KIAA0586: variants seen among roughly 807,000 people sequenced by gnomAD.
KIAA0586 encodes protein TALPID3.
In KIAA0586, 144 loss-of-function variants were observed where a neutral mutation model predicts 169.8. That is an observed-to-expected ratio of 0.85 (90% CI 0.74 to 0.97). The LOEUF (loss-of-function observed/expected upper bound fraction) is 0.97. KIAA0586 is among the 50% of genes least tolerant of loss of function. The pLI is 0.00. For synonymous variants in KIAA0586, 625 were observed against 612.4 expected (o/e 1.02, Z -0.30); for missense variants, 1,854 against 1,823.0 (o/e 1.02, Z -0.31).
intron 4 of KIAA0586, chr14:58,440,296 C>T (rs2038210854): frequency 7.9e-6 from 3 of 377,682 alleles, no homozygotes; most frequent in Admixed American, 6.1e-5. Flanking sequence ...CTTTCTCTCT[C>T]TCTCTCTCTT....
chr14:58,451,809 G>T (rs1037251176), intron 8 of KIAA0586, among the ~76,000 whole-genome samples: 3 of 151,944 alleles, frequency 2.0e-5, no homozygotes, highest in Non-Finnish European at 4.4e-5. Context: ...TCAGCCTCCC[G>T]AGTAGCTGGG....
rs1038807274 is a variant in KIAA0586, at chr14:58,429,262, G to A, written c.200-101G>A. ...CATGCAAATTGTCTTTCCAACTTCT[G>A]CGTTATATGGAGTTTATAGATCTTG... is the stretch of plus-strand genomic sequence containing the variant. On this transcript the variant is annotated intron_variant, in intron 1 of 30. Transcript: ENST00000652326. The A allele has an allele frequency of 4.3e-5, 28 of 654,988 alleles. No individual in the cohort carries two copies. The Admixed American group carries it at 5.6e-4, about 13-fold the overall frequency. 40.6% of individuals were successfully genotyped at this position (654,988 alleles called of 1,614,324 possible).
chr14:58,561,615 A>G, the KIAA0586 span, among the ~76,000 whole-genome samples: 1 of 152,198 alleles, frequency 6.6e-6, no homozygotes, highest in Admixed American at 6.5e-5. Context: ...TTATTTAATT[A>G]TCCACCTAGG....
At chr14:58,522,789 T>C (rs2045315956) in intron 29 of KIAA0586, among the ~76,000 whole-genome samples, 1 of 152,200 alleles carries the variant, frequency 6.6e-6, no homozygotes, top group African/African-American at 2.4e-5. Context: ...GTCACTGTTT[T>C]CTTATAGTGC....
chr14:58,469,370 A>G (rs1440228985), intron 16 of KIAA0586, among the ~76,000 whole-genome samples: 9 of 152,192 alleles, frequency 5.9e-5, no homozygotes, highest in African/African-American at 1.9e-4. Flanking sequence ...GGAACTCCCA[A>G]CATGAACCCA....
intron 30 of KIAA0586, among the ~76,000 whole-genome samples, chr14:58,547,142 A>G (rs1288768994): frequency 1.4e-5 from 2 of 143,564 alleles, no homozygotes; most frequent in African/African-American, 2.7e-5. Context: ...CATGGCTGAT[A>G]TCTTACCTCT....
chr14:58,548,350 A>G lies in KIAA0586; in HGVS notation c.*418A>G, dbSNP rs962358719. On this transcript the variant is annotated 3_prime_UTR_variant, in exon 31 of 31. Transcript: ENST00000652326. ...TTTAAAGTGATGGTACATCAGTACA[A>G]TGGAATACTATGTATTACAAAAAAA... 2.6e-5 allele frequency: 4 copies of G among 154,438 alleles called. No individual in the cohort carries two copies. The highest frequency in any genetic ancestry group is 9.6e-5 in the African/African-American group (4 of 41,504). 9.6% of individuals were successfully genotyped at this position (154,438 alleles called of 1,614,324 possible).
At chr14:58,448,981 A>T (rs1002310757) in intron 7 of KIAA0586, among the ~76,000 whole-genome samples, 1 of 152,228 alleles carries the variant, frequency 6.6e-6, no homozygotes, top group Non-Finnish European at 1.5e-5. Context: ...AAGTCTGCTT[A>T]TCTTGATTGA....
intron 21 of KIAA0586, among the ~76,000 whole-genome samples, chr14:58,484,924 A>ATAAATATATATTTTTTTTTT (rs1566877360): frequency 2.3e-4 from 3 of 13,048 alleles, no homozygotes; most frequent in Non-Finnish European, 4.0e-4. Flanking sequence ...ATATATATAT[A>ATAAATATATATTTTTTTTTT]TTTTTTTTTT....
intron 29 of KIAA0586, among the ~76,000 whole-genome samples, chr14:58,527,443 G>C (rs2045665450): frequency 6.6e-6 from 1 of 152,092 alleles, no homozygotes; most frequent in Non-Finnish European, 1.5e-5. Flanking sequence ...AAATGTTAAG[G>C]GCAGCCAGAG....
downstream of KIAA0586, among the ~76,000 whole-genome samples, chr14:58,552,873 A>G (rs2047223689): frequency 6.6e-6 from 1 of 152,230 alleles, no homozygotes; most frequent in African/African-American, 2.4e-5. Context: ...TTATGAAGAT[A>G]AACTATTTGA....
chr14:58,442,143 T>C (rs2038440956), intron 4 of KIAA0586, among the ~76,000 whole-genome samples: 1 of 152,156 alleles, frequency 6.6e-6, no homozygotes, highest in Non-Finnish European at 1.5e-5. Context: ...AGAGTCTCAC[T>C]GTGTCACCCA....
chr14:58,484,898 A>ATATT (rs1555391495), intron 21 of KIAA0586, among the ~76,000 whole-genome samples: 9 of 4,890 alleles, frequency 1.8e-3, no homozygotes, highest in South Asian at 9.6e-3. Flanking sequence ...ATTTATATAT[A>ATATT]TATATATATA....
At chr14:58,437,029 GCCA>G (rs2037884407) in intron 4 of KIAA0586, among the ~76,000 whole-genome samples, 2 of 152,194 alleles carry the variant, frequency 1.3e-5, no homozygotes, top group Non-Finnish European at 2.9e-5. Flanking sequence ...CACTCTGGTA[GCCA>G]TATGAAGAAA....
chr14:58,501,008 T>TA, intron 27 of KIAA0586, among the ~76,000 whole-genome samples: 1 of 152,322 alleles, frequency 6.6e-6, no homozygotes, highest in South Asian at 2.1e-4. Context: ...GGGTTATAAA[T>TA]ACGTTTTAGC....
At chr14:58,456,423 T>C (rs2039855782) in intron 9 of KIAA0586, among the ~76,000 whole-genome samples, 1 of 152,258 alleles carries the variant, frequency 6.6e-6, no homozygotes, top group South Asian at 2.1e-4. Context: ...GAAGTGCTTC[T>C]GGATGTTAGC....
intron 15 of KIAA0586, among the ~76,000 whole-genome samples, 197 bp downstream of exon 15, chr14:58,466,226 A>C (rs1361801136): frequency 6.6e-6 from 1 of 152,116 alleles, no homozygotes; most frequent in Non-Finnish European, 1.5e-5. Flanking sequence ...ATTGAATTTT[A>C]AATTCTTATC....
chr14:58,476,396 A>C (rs2041627086), intron 19 of KIAA0586, among the ~76,000 whole-genome samples: 1 of 152,146 alleles, frequency 6.6e-6, no homozygotes, highest in Non-Finnish European at 1.5e-5. Flanking sequence ...AACTACCTAT[A>C]ATACAGCCTA....
intron 29 of KIAA0586, among the ~76,000 whole-genome samples, chr14:58,534,706 C>G (rs2046178860): frequency 6.6e-6 from 1 of 152,056 alleles, no homozygotes; most frequent in Admixed American, 6.6e-5. Context: ...AGCAGTACGG[C>G]CTATGACTTA....
Sources: allele counts gnomAD v4.1 joint callset (sites outside exome capture counted in the v4.1 genomes callset), GRCh38; gene constraint gnomAD v4.1.1; transcripts MANE v1.5; gene names NCBI Gene and HGNC (gene_info 2026-07-23, HGNC 2026-07-21).